COL19A1: variants seen among roughly 807,000 people sequenced by gnomAD.
COL19A1 encodes the protein collagen type XIX alpha 1 chain.
Under a neutral mutation model 190.2 loss-of-function variants are expected in COL19A1, and 159 were observed. The observed-to-expected ratio is 0.84, with a 90% CI of 0.73 to 0.95. The LOEUF is 0.95. COL19A1 is among the 40% of genes least tolerant of loss of function. The pLI, the probability that COL19A1 is intolerant of heterozygous loss-of-function variation, is 0.00. For missense variants in COL19A1, 1,418 were observed against 1,431.9 expected (o/e 0.99, Z 0.16); for synonymous variants, 509 against 458.9 (o/e 1.11, Z -1.39).
intron 35 of COL19A1, among the ~76,000 whole-genome samples, chr6:70,163,110 T>C (rs1322180659): frequency 6.6e-6 from 1 of 152,182 alleles, no homozygotes; most frequent in Non-Finnish European, 1.5e-5. Context: ...ATTAAGGTCA[T>C]TAAATGTGGT....
chr6:70,149,757 T>A lies in COL19A1; in HGVS notation c.1929+18T>A. The stretch of plus-strand genomic sequence containing the variant: ...GTATTCAGGTAAGCTATTTAACTAA[T>A]TTTTTAGCACAGCAAAGCCAGCTTG... On this transcript the variant is annotated intron_variant, in intron 28 of 50. Transcript: ENST00000620364. 3 of 1,613,640 alleles carry A rather than the reference T, an allele frequency of 1.9e-6. No individual in the cohort carries two copies. Among genetic ancestry groups the A allele is most frequent in the Non-Finnish European group, 2.5e-6 (3 of 1,179,750 alleles).
At chr6:69,923,803 G>C (rs1440110210) in intron 4 of COL19A1, among the ~76,000 whole-genome samples, 1 of 152,164 alleles carries the variant, frequency 6.6e-6, no homozygotes, top group Admixed American at 6.5e-5. Context: ...AGGCTAAGGT[G>C]ATTTATAAAC....
chr6:70,140,896 G>A lies in COL19A1; in HGVS notation c.1447-58G>A, dbSNP rs1013547332. 17 of 1,562,286 alleles carry A rather than the reference G, an allele frequency of 1.1e-5. No homozygotes were observed. The African/African-American group carries it at 1.6e-4, about 15-fold the overall frequency. On this transcript the variant is annotated intron_variant, in intron 19 of 50. Transcript: ENST00000620364. ...GGCCTATAGGGTTTATCCACACCCC[G>A]GTTTGGAGAGTTTATTTCTAAGAGC...
At chr6:69,879,423 A>G (rs1359066939) in intron 1 of COL19A1, 113 bp from the exon 2 acceptor site, 5 of 624,478 alleles carry the variant, frequency 8.0e-6, no homozygotes, top group Non-Finnish European at 1.4e-5. Context: ...TTCCTGTTAT[A>G]TGATGATATA....
Position 69,936,820 on chromosome 6 carries a change from A to T in COL19A1, c.783A>T (p.Ser261=). Residue 261 remains serine, a synonymous_variant, in exon 8 of 51, where the codon TCA becomes TCT. Transcript: ENST00000620364. The part of the protein sequence containing the change: ...PEQDGFGNIA[S]SWVTAHASKM... ...AGGATGGCTTTGGAAATATTGCATC[A>T]TCATGGGTAACTGCTCATGCCAGTA... The T allele has an allele frequency of 1.2e-6, 2 of 1,613,160 alleles. No individual in the cohort carries two copies. Among genetic ancestry groups the T allele is most frequent in the Non-Finnish European group, 8.5e-7 (1 of 1,179,304 alleles).
At chr6:70,168,472 T>C (rs1347522093) in intron 39 of COL19A1, among the ~76,000 whole-genome samples, 183 bp from the exon 40 acceptor site, 2 of 152,226 alleles carry the variant, frequency 1.3e-5, no homozygotes, top group Non-Finnish European at 2.9e-5. Context: ...GTCCAAGCAA[T>C]CATTTTTATG....
intron 11 of COL19A1, among the ~76,000 whole-genome samples, chr6:70,000,578 G>T (rs1364992444): frequency 6.6e-6 from 1 of 152,168 alleles, no homozygotes; most frequent in Non-Finnish European, 1.5e-5. Flanking sequence ...GCATGAGATA[G>T]TATCTCATTG....
chr6:70,008,787 T>TA (rs1777797892), intron 11 of COL19A1, among the ~76,000 whole-genome samples: 1 of 151,650 alleles, frequency 6.6e-6, no homozygotes, highest in Non-Finnish European at 1.5e-5. Flanking sequence ...CACATATACA[T>TA]AAAAAACCAC....
At chr6:70,032,387 G>A (rs1419317343) in intron 12 of COL19A1, among the ~76,000 whole-genome samples, 1 of 152,080 alleles carries the variant, frequency 6.6e-6, no homozygotes, top group Non-Finnish European at 1.5e-5. Flanking sequence ...GTTTGGTGAT[G>A]GAGAGAATCT....
chr6:70,096,137 A>C (rs1783253977), intron 15 of COL19A1, among the ~76,000 whole-genome samples: 1 of 148,216 alleles, frequency 6.7e-6, no homozygotes. Context: ...GCATGAGTGC[A>C]GTGGTGCCTT....
Position 70,210,562 on chromosome 6 carries a change from T to C in COL19A1, c.*3288T>C, listed in dbSNP as rs1220492008. Among the ~76,000 whole-genome samples, 4 of 152,182 alleles carry C rather than the reference T, an allele frequency of 2.6e-5. No homozygotes were observed. The highest frequency in any genetic ancestry group is 9.6e-5 in the African/African-American group (4 of 41,458). On this transcript the variant is annotated 3_prime_UTR_variant, in exon 51 of 51. Transcript: ENST00000620364. ...TGTCTGTGAAAATTATCATTTGATA[T>C]TTGGCTTATAAAGTAATTTTTATGA...
At chr6:70,055,663 T>A (rs1297289136) in intron 14 of COL19A1, among the ~76,000 whole-genome samples, 2 of 151,002 alleles carry the variant, frequency 1.3e-5, no homozygotes, top group Non-Finnish European at 1.5e-5. Context: ...GTTCCTATAA[T>A]CCCAGCTATG....
intron 11 of COL19A1, among the ~76,000 whole-genome samples, chr6:70,023,336 G>A (rs1385428989): frequency 1.3e-5 from 2 of 151,824 alleles, no homozygotes; most frequent in Admixed American, 6.6e-5. Flanking sequence ...AGGTTTCACC[G>A]TGTTGGTCAG....
chr6:69,921,411 C>CATATATATCAT lies in COL19A1; in HGVS notation c.267-6492_267-6491insATCATATATAT, dbSNP rs377420368. Among the ~76,000 whole-genome samples the CATATATATCAT allele has an allele frequency of 6.0e-4, 49 of 82,078 alleles. 1 individual carries two copies. The highest frequency in any genetic ancestry group is 7.3e-4 in the Non-Finnish European group (33 of 45,300). 53.8% of individuals were successfully genotyped at this position (82,078 alleles called of 152,430 possible). On this transcript the variant is annotated intron_variant, in intron 4 of 50. Transcript: ENST00000620364. The stretch of plus-strand genomic sequence containing the variant: ...CATATATATCATATATCATATATAT[C>CATATATATCAT]ATATATCATATATATCATATATATC...
At chr6:69,921,886 C>T (rs1054199045) in intron 4 of COL19A1, among the ~76,000 whole-genome samples, 15 of 151,764 alleles carry the variant, frequency 9.9e-5, no homozygotes. Flanking sequence ...TAAGGATCAG[C>T]GATATTTTTC....
At chr6:69,939,108 G>T (rs78209458) in intron 9 of COL19A1, among the ~76,000 whole-genome samples, 15,988 of 152,088 alleles carry the variant, frequency 0.11, 944 homozygotes, top group Middle Eastern at 0.16. Context: ...CATGTACCTT[G>T]CATGGGAACT....
At chr6:70,117,075 T>C (rs1453749905) in intron 16 of COL19A1, among the ~76,000 whole-genome samples, 1 of 152,066 alleles carries the variant, frequency 6.6e-6, no homozygotes, top group Non-Finnish European at 1.5e-5. Context: ...AGTTCAAGAT[T>C]GAGGATCAGA....
At chr6:70,128,153 C>G (rs1476731279) in intron 17 of COL19A1, among the ~76,000 whole-genome samples, 2 of 152,094 alleles carry the variant, frequency 1.3e-5, no homozygotes, top group Non-Finnish European at 2.9e-5. Flanking sequence ...TGAATTGCTT[C>G]TAGAATTTAC....
At chr6:70,101,656 T>A (rs1783637895) in intron 15 of COL19A1, among the ~76,000 whole-genome samples, 1 of 152,158 alleles carries the variant, frequency 6.6e-6, no homozygotes, top group Non-Finnish European at 1.5e-5. Flanking sequence ...TCTGAAGTAG[T>A]TTTAAAAATG....
Sources: gnomAD v4.1 joint callset for allele counts (sites outside exome capture counted in the v4.1 genomes callset) on GRCh38, gnomAD v4.1.1 for gene constraint, MANE v1.5 for transcripts, NCBI Gene and HGNC (gene_info 2026-07-23, HGNC 2026-07-21) for gene names.